ATL2: variants seen among roughly 807,000 people sequenced by gnomAD.
ATL2 encodes the protein atlastin GTPase 2, also known as atlastin-2.
Under a neutral mutation model 73.9 loss-of-function variants are expected in ATL2, and 31 were observed. The observed-to-expected ratio is 0.42, with a 90% CI of 0.32 to 0.57. The LOEUF (loss-of-function observed/expected upper bound fraction) is 0.57, where lower values mean the gene tolerates loss of function less well. ATL2 is among the 20% of genes least tolerant of loss of function. ATL2 has a pLI of 0.14. For missense variants in ATL2, 738 were observed against 702.6 expected (o/e 1.05, Z -0.57); for synonymous variants, 291 against 237.5 (o/e 1.23, Z -2.07).
chr2:38,355,429 G>C (rs187320484), intron 1 of ATL2, among the ~76,000 whole-genome samples: 5 of 152,020 alleles, frequency 3.3e-5, no homozygotes, highest in Admixed American at 2.0e-4. Flanking sequence ...CTGTATATTA[G>C]AGATGTCCTT....
intron 1 of ATL2, among the ~76,000 whole-genome samples, chr2:38,367,679 C>A (rs1671420026): frequency 6.9e-6 from 1 of 144,386 alleles, no homozygotes; most frequent in Non-Finnish European, 1.5e-5. Flanking sequence ...TTCACCCAGG[C>A]TGGAGTGCAA....
intron 1 of ATL2, among the ~76,000 whole-genome samples, chr2:38,346,887 G>C (rs1670046943): frequency 6.6e-6 from 1 of 152,146 alleles, no homozygotes; most frequent in African/African-American, 2.4e-5. Context: ...GCTCTTTCTA[G>C]ACTCTGCTTT....
At chr2:38,368,246 A>G (rs1352480297) in intron 1 of ATL2, among the ~76,000 whole-genome samples, 3 of 125,764 alleles carry the variant, frequency 2.4e-5, no homozygotes, top group Non-Finnish European at 5.1e-5. Flanking sequence ...TAAAATAAGG[A>G]CTTTTTTTTT....
rs530744941 is a variant in ATL2, at chr2:38,377,040, C to G, written c.118+103G>C. The G allele has an allele frequency of 1.5e-4, 157 of 1,074,192 alleles. No homozygotes were observed. In the African/African-American group the frequency reaches 2.4e-3, roughly 17 times the overall value. The allele number at this position is 1,074,192 out of a possible 1,614,324, so 66.5% of individuals were successfully genotyped here. A position where few individuals can be genotyped will look rare whatever the true frequency, so the allele number is the denominator to read the frequency against. On this transcript the variant is annotated intron_variant, in intron 1 of 12. Coordinates refer to ENST00000378954, the MANE Select transcript of ATL2 (RefSeq NM_001135673.4). The stretch of plus-strand genomic sequence containing the variant: ...GGCGGCGGGAGGAGACCTGAACCAG[C>G]CGCGGACTCCGACCCCGCCGCCTGC...
chr2:38,356,773 CCATT>C (rs1243950544), intron 1 of ATL2, among the ~76,000 whole-genome samples: 2 of 152,124 alleles, frequency 1.3e-5, no homozygotes, highest in African/African-American at 4.8e-5. Flanking sequence ...TTCAGTCACA[CCATT>C]CAAACTGCTT....
intron 1 of ATL2, chr2:38,376,381 G>A (rs1261599595): frequency 3.4e-6 from 2 of 594,020 alleles, no homozygotes; most frequent in Non-Finnish European, 2.7e-6. Flanking sequence ...CCAAGGATCA[G>A]GTGACTTCAC....
intron 1 of ATL2, among the ~76,000 whole-genome samples, chr2:38,352,846 C>G (rs182552147): frequency 9.2e-5 from 14 of 152,316 alleles, no homozygotes; most frequent in African/African-American, 3.4e-4. Flanking sequence ...TTGAAAAGAT[C>G]TGCAAGGTAC....
At position 38,300,266 on chromosome 2, in the gene ATL2, C is replaced by G. The variant is rs758464322; in HGVS notation, c.1128+6G>C. ...GTACAACACATATCACTCTCTCTCT[C>G]TCTACCTGAAGCATGGACTTTGGAT... On this transcript the variant is annotated splice_donor_region_variant and intron_variant, in intron 10 of 12. Coordinates refer to ENST00000378954, the MANE Select transcript of ATL2 (RefSeq NM_001135673.4). 2.3e-5 allele frequency: 36 copies of G among 1,588,348 alleles called. No individual in the cohort carries two copies. Among genetic ancestry groups the G allele is most frequent in the Non-Finnish European group, 2.8e-5 (32 of 1,157,716 alleles).
At chr2:38,344,938 T>C (rs1434836766) in intron 1 of ATL2, among the ~76,000 whole-genome samples, 1 of 152,164 alleles carries the variant, frequency 6.6e-6, no homozygotes, top group Non-Finnish European at 1.5e-5. Flanking sequence ...TAAGGTAACC[T>C]TTGCAGACAT....
At chr2:38,350,683 G>A (rs189829412) in intron 1 of ATL2, among the ~76,000 whole-genome samples, 23 of 152,188 alleles carry the variant, frequency 1.5e-4, no homozygotes, top group Non-Finnish European at 2.4e-4. Flanking sequence ...CTGATGGCGG[G>A]GGACAGTGTG....
chr2:38,313,195 A>G lies in ATL2; in HGVS notation c.760T>C (p.Tyr254His). 1 of 1,613,588 alleles carries G rather than the reference A, an allele frequency of 6.2e-7. No homozygotes were observed. Among genetic ancestry groups the G allele is most frequent in the Non-Finnish European group, 8.5e-7 (1 of 1,179,622 alleles). ...AATTGCTTTCCACCTTCCAAACCAT[A>G]TGAATGTTCATAAGGATAGCTCCAA... ...RDWSYPYEHS[Y>H]GLEGGKQFLE... Residue 254 changes from tyrosine to histidine, a missense_variant, in exon 7 of 13, where the codon TAT becomes CAT. Coordinates refer to ENST00000378954, the MANE Select transcript of ATL2 (RefSeq NM_001135673.4).
chr2:38,370,625 GGCGTGGTA>G (rs1338821124), intron 1 of ATL2, among the ~76,000 whole-genome samples: 2 of 152,024 alleles, frequency 1.3e-5, no homozygotes, highest in African/African-American at 4.8e-5. Flanking sequence ...ACAAAAATTA[GGCGTGGTA>G]GCGGGTGCCT....
intron 1 of ATL2, among the ~76,000 whole-genome samples, chr2:38,343,838 G>C (rs562681053): frequency 2.0e-5 from 3 of 152,180 alleles, no homozygotes; most frequent in Admixed American, 2.0e-4. Flanking sequence ...TCTCATGATA[G>C]TGAATAAGTC....
At chr2:38,365,860 T>C (rs1412872904) in intron 1 of ATL2, among the ~76,000 whole-genome samples, 1 of 151,802 alleles carries the variant, frequency 6.6e-6, no homozygotes, top group African/African-American at 2.4e-5. Flanking sequence ...GGCAGGAGAA[T>C]GGTTTGAATC....
intron 7 of ATL2, among the ~76,000 whole-genome samples, chr2:38,311,245 C>G (rs1174897500): frequency 6.6e-6 from 1 of 152,058 alleles, no homozygotes; most frequent in African/African-American, 2.4e-5. Context: ...TTTCAGGTCC[C>G]TCTCTACATG....
intron 8 of ATL2, 34 bp from the exon 9 acceptor site, chr2:38,309,540 CA>C (rs751538561): frequency 7.2e-5 from 114 of 1,582,540 alleles, no homozygotes; most frequent in Admixed American, 3.8e-4. Context: ...CATATTAGTC[CA>C]AAAAAAATTA....
chr2:38,352,824 T>C (rs952724887), intron 1 of ATL2, among the ~76,000 whole-genome samples: 4 of 152,290 alleles, frequency 2.6e-5, no homozygotes, highest in South Asian at 4.1e-4. Flanking sequence ...AAAGCCTAAA[T>C]AAAACCAAGA....
At chr2:38,325,423 G>A (rs1400385919) in intron 2 of ATL2, among the ~76,000 whole-genome samples, 2 of 152,020 alleles carry the variant, frequency 1.3e-5, no homozygotes. Context: ...GAAGCTGAGA[G>A]TGAACTAGTT....
chr2:38,371,586 A>G (rs1671692255), intron 1 of ATL2, among the ~76,000 whole-genome samples: 1 of 152,146 alleles, frequency 6.6e-6, no homozygotes, highest in Non-Finnish European at 1.5e-5. Flanking sequence ...AGGAAAAAAA[A>G]AAATGTTACA....
Sources: gnomAD v4.1 joint callset for allele counts (sites outside exome capture counted in the v4.1 genomes callset) on GRCh38, gnomAD v4.1.1 for gene constraint, MANE v1.5 for transcripts, NCBI Gene and HGNC (gene_info 2026-07-23, HGNC 2026-07-21) for gene names.